LINGO2: variants seen among roughly 807,000 people sequenced by gnomAD.
LINGO2 encodes leucine-rich repeat and immunoglobulin-like domain-containing nogo receptor-interacting protein 2.
In LINGO2, 14 loss-of-function variants were observed where a neutral mutation model predicts 30.6. The observed-to-expected ratio is 0.46, with a 90% CI of 0.30 to 0.72. The LOEUF is 0.72. LINGO2 is among the 30% of genes least tolerant of loss of function. The pLI is 0.07. For missense variants in LINGO2, 729 were observed against 751.7 expected (o/e 0.97, Z 0.35); for synonymous variants, 317 against 288.5 (o/e 1.10, Z -1.00).
At chr9:28,284,702 A>G (rs562660728) in intron 4 of LINGO2, among the ~76,000 whole-genome samples, 1 of 152,162 alleles carries the variant, frequency 6.6e-6, no homozygotes, top group Non-Finnish European at 1.5e-5. Flanking sequence ...GAATTATGTC[A>G]ACAGAGAAGG....
intron 2 of LINGO2, among the ~76,000 whole-genome samples, chr9:28,445,405 A>T (rs1824382775): frequency 2.0e-5 from 3 of 152,206 alleles, no homozygotes; most frequent in Admixed American, 6.5e-5. Context: ...TCCGCAGATC[A>T]AGCATAATCT....
At chr9:28,095,649 G>T (rs1247927797) in intron 4 of LINGO2, among the ~76,000 whole-genome samples, 2 of 151,926 alleles carry the variant, frequency 1.3e-5, no homozygotes, top group African/African-American at 4.8e-5. Context: ...CATAGGCATG[G>T]GCAAGGACTT....
the LINGO2 span, among the ~76,000 whole-genome samples, chr9:29,176,595 T>C: frequency 3.3e-5 from 5 of 152,322 alleles, no homozygotes; most frequent in Admixed American, 6.5e-5. Flanking sequence ...CTCCTTATAG[T>C]TGTGCTCACA....
the LINGO2 span, among the ~76,000 whole-genome samples, chr9:28,873,146 A>G: frequency 6.6e-6 from 1 of 152,014 alleles, no homozygotes; most frequent in Non-Finnish European, 1.5e-5. Context: ...AGGTGGGCGG[A>G]TCACTTGAGG....
chr9:28,829,210 G>A, the LINGO2 span, among the ~76,000 whole-genome samples: 6 of 152,154 alleles, frequency 3.9e-5, no homozygotes, highest in Non-Finnish European at 2.9e-5. Flanking sequence ...ACTAGAGATG[G>A]CTGGACTTCA....
chr9:28,418,557 G>T (rs1823061380), intron 2 of LINGO2, among the ~76,000 whole-genome samples: 1 of 152,076 alleles, frequency 6.6e-6, no homozygotes, highest in Admixed American at 6.6e-5. Flanking sequence ...GATTACGGGT[G>T]TGAGCCACCG....
chr9:28,546,944 C>A (rs1821982173), intron 1 of LINGO2, among the ~76,000 whole-genome samples: 1 of 152,056 alleles, frequency 6.6e-6, no homozygotes, highest in South Asian at 2.1e-4. Context: ...CCCTAAGTTG[C>A]ATTGAAAGTC....
chr9:28,802,440 T>C, the LINGO2 span, among the ~76,000 whole-genome samples: 2 of 152,040 alleles, frequency 1.3e-5, no homozygotes, highest in South Asian at 4.1e-4. Flanking sequence ...AGAACTCTAC[T>C]TTATTTTATT....
At chr9:27,975,094 A>G (rs1484658047) in intron 5 of LINGO2, among the ~76,000 whole-genome samples, 5 of 152,040 alleles carry the variant, frequency 3.3e-5, no homozygotes, top group Non-Finnish European at 7.4e-5. Flanking sequence ...TTTCCTCATG[A>G]TGTATTTAGC....
chr9:28,592,587 A>G (rs1824970874), intron 1 of LINGO2, among the ~76,000 whole-genome samples: 4 of 152,104 alleles, frequency 2.6e-5, no homozygotes, highest in Admixed American at 2.0e-4. Flanking sequence ...CAAGGCATCT[A>G]CATAGTCTTA....
chr9:28,037,609 G>T (rs773769330), intron 4 of LINGO2, among the ~76,000 whole-genome samples: 1 of 152,078 alleles, frequency 6.6e-6, no homozygotes, highest in Non-Finnish European at 1.5e-5. Context: ...TATTTTATCC[G>T]CAGCGCTTGA....
chr9:28,057,435 A>G (rs1436576933), intron 4 of LINGO2, among the ~76,000 whole-genome samples: 1 of 151,674 alleles, frequency 6.6e-6, no homozygotes, highest in Non-Finnish European at 1.5e-5. Context: ...GTGTTCTATG[A>G]GATACAGTTT....
chr9:29,067,829 T>TA, the LINGO2 span, among the ~76,000 whole-genome samples: 1 of 141,046 alleles, frequency 7.1e-6, no homozygotes, highest in African/African-American at 2.6e-5. Flanking sequence ...CAAGAGAAAA[T>TA]AGAGTGACAC....
the LINGO2 span, among the ~76,000 whole-genome samples, chr9:28,817,521 A>C: frequency 1.3e-5 from 2 of 152,282 alleles, no homozygotes; most frequent in South Asian, 4.1e-4. Context: ...CACATGGCAA[A>C]ACGATGACCA....
intron 2 of LINGO2, among the ~76,000 whole-genome samples, chr9:28,410,719 G>A (rs1021149068): frequency 6.6e-6 from 1 of 151,972 alleles, no homozygotes; most frequent in African/African-American, 2.4e-5. Flanking sequence ...GCAATAAGGG[G>A]GAAGTGCACT....
At chr9:28,345,998 A>C (rs1587505212) in intron 3 of LINGO2, among the ~76,000 whole-genome samples, 1 of 152,370 alleles carries the variant, frequency 6.6e-6, no homozygotes, top group East Asian at 1.9e-4. Context: ...TTATCACTAA[A>C]TAATTTGGAT....
chr9:28,774,618 T>A, the LINGO2 span, among the ~76,000 whole-genome samples: 1 of 152,078 alleles, frequency 6.6e-6, no homozygotes, highest in South Asian at 2.1e-4. Context: ...GCAATTAAAC[T>A]TTTCTGGCAC....
intron 4 of LINGO2, among the ~76,000 whole-genome samples, chr9:28,284,881 T>C (rs1823451487): frequency 6.6e-6 from 1 of 152,190 alleles, no homozygotes; most frequent in Admixed American, 6.5e-5. Flanking sequence ...GAACTATATA[T>C]TAGATTATTA....
chr9:29,107,248 C>T, the LINGO2 span, among the ~76,000 whole-genome samples: 1 of 152,112 alleles, frequency 6.6e-6, no homozygotes, highest in Non-Finnish European at 1.5e-5. Flanking sequence ...ATCATACTTA[C>T]AAATTCACAA....
Sources: allele counts gnomAD v4.1 joint callset (sites outside exome capture counted in the v4.1 genomes callset), GRCh38; gene constraint gnomAD v4.1.1; transcripts MANE v1.5; gene names NCBI Gene and HGNC (gene_info 2026-07-23, HGNC 2026-07-21).